The following MFSD12 variants were observed in gnomAD, a reference collection of about 807,000 sequenced individuals.
MFSD12 encodes major facilitator superfamily domain containing 12, also known as major facilitator superfamily domain-containing protein 12.
In MFSD12, 67 loss-of-function variants were observed where a neutral mutation model predicts 51.2. The ratio of observed to expected loss-of-function variants is 1.31; its 90% CI spans 1.08 to 1.60. MFSD12 has a LOEUF of 1.60. Among genes scored for constraint, MFSD12 ranks in the 40% most tolerant of loss-of-function variants. The pLI, the probability that MFSD12 is intolerant of heterozygous loss-of-function variation, is 0.00. For synonymous variants in MFSD12, 441 were observed against 316.7 expected (o/e 1.39, Z -4.17); for missense variants, 921 against 673.0 (o/e 1.37, Z -4.08).
At position 3,546,103 on chromosome 19, in the gene MFSD12, G is replaced by A. The variant is rs1264930605; in HGVS notation, c.1260C>T (p.Val420=). Residue 420 remains valine, a synonymous_variant, in exon 8 of 10, where the codon GTC becomes GTT. Coordinates refer to ENST00000355415, the MANE Select transcript of MFSD12 (RefSeq NM_174983.5). ...FLDKVANGLA[V]MAIQSLHPCP... ...AAGGGTGCAGGCTCTGGATGGCCAT[G>A]ACTGCCAGCCCATTGGCCACCTTAT... 4 of 1,613,422 alleles carry A rather than the reference G, an allele frequency of 2.5e-6. No individual in the cohort carries two copies. The highest frequency in any genetic ancestry group is 1.1e-5 in the South Asian group (1 of 91,082).
Position 3,554,648 on chromosome 19 carries a change from C to A in MFSD12, c.298+2458G>T, listed in dbSNP as rs548852155. Among the ~76,000 whole-genome samples, 255 of 152,300 alleles carry A rather than the reference C, an allele frequency of 1.7e-3. 4 individuals carry two copies. Among genetic ancestry groups the A allele is most frequent in the East Asian group, 2.3e-3 (12 of 5,190 alleles). ...GCCCCTCCACACACTGCTACCCATCCGTCAAAACCTCAAAGTTAATGTCCT... is the reference window on the plus strand; with the variant it reads ...GCCCCTCCACACACTGCTACCCATCAGTCAAAACCTCAAAGTTAATGTCCT... On this transcript the variant is annotated intron_variant, in intron 1 of 9. Coordinates refer to ENST00000355415, the MANE Select transcript of MFSD12 (RefSeq NM_174983.5).
chr19:3,539,278 G>A (rs1052255423), downstream of MFSD12: 11 of 1,517,246 alleles, frequency 7.2e-6, no homozygotes, highest in South Asian at 3.6e-5. Context: ...CCTCCCTACA[G>A]GTGAGCCCCT....
downstream of MFSD12, chr19:3,541,675 C>G: frequency 1.0e-6 from 1 of 985,234 alleles, no homozygotes; most frequent in Non-Finnish European, 1.2e-6. Flanking sequence ...TGGGCTCCCG[C>G]AAGTGTGTAA....
Position 3,544,936 on chromosome 19 carries a change from T to A in MFSD12, c.1293A>T (p.Ser431=). 10 of 1,607,314 alleles carry A rather than the reference T, an allele frequency of 6.2e-6. No homozygotes were observed. Among genetic ancestry groups the A allele is most frequent in the Non-Finnish European group, 8.5e-6 (10 of 1,178,102 alleles). Residue 431 remains serine, a synonymous_variant, in exon 9 of 10, where the codon TCA becomes TCT. Transcript: ENST00000355415. ...TCACGCAGGCCCTGCAGCAGAGCTC[T>A]GAGCTGTGGGAGGAGGCGGGGGATG... The part of the protein sequence containing the change: ...MAIQSLHPCP[S]ELCCRACVSF...
intron 2 of MFSD12, among the ~76,000 whole-genome samples, chr19:3,548,853 T>C (rs907760732): frequency 6.6e-6 from 1 of 152,202 alleles, no homozygotes; most frequent in African/African-American, 2.4e-5. Context: ...TCAGGGGCCC[T>C]GGGCATTGGG....
At chr19:3,543,049 T>C, downstream of MFSD12, 1 of 1,603,800 alleles carries the variant, frequency 6.2e-7, no homozygotes, top group Non-Finnish European at 8.5e-7. Flanking sequence ...GGAGTCAGCC[T>C]CTCTCCTCAA....
intron 4 of MFSD12, chr19:3,539,112 G>A: frequency 1.9e-6 from 2 of 1,071,046 alleles, no homozygotes; most frequent in Non-Finnish European, 2.8e-6. Context: ...GACACTGGGT[G>A]GCCTTTATGC....
intron 3 of MFSD12, 34 bp downstream of exon 3, chr19:3,548,089 G>A (rs549052696): frequency 2.1e-5 from 34 of 1,602,750 alleles, no homozygotes; most frequent in Non-Finnish European, 2.5e-5. Context: ...CCTGGCTCGA[G>A]GACTTCAGGC....
At chr19:3,543,489 C>CCA (rs750501521), downstream of MFSD12, 1 of 1,521,032 alleles carries the variant, frequency 6.6e-7, no homozygotes, top group African/African-American at 1.4e-5. Flanking sequence ...TGCCCCCCCC[C>CCA]CCGCCCTGGG....
intron 4 of MFSD12, 134 bp downstream of exon 4, chr19:3,547,714 G>A: frequency 2.5e-6 from 3 of 1,211,964 alleles, no homozygotes; most frequent in Non-Finnish European, 3.4e-6. Context: ...CACTTGATGA[G>A]TGACGTTTGC....
rs561958525 is a variant in MFSD12, at chr19:3,551,826, C to T, written c.299-632G>A. On this transcript the variant is annotated intron_variant, in intron 1 of 9. Transcript: ENST00000355415. The surrounding 1 kb of genome is among the most constrained non-coding windows in gnomAD (Gnocchi z 4.6). ...TGTCCCCTCCGTGCCCTGCCCTGCC[C>T]TTCCCTCTCTCCCCCTTCTCTCTCT... is the stretch of plus-strand genomic sequence containing the variant. Among the ~76,000 whole-genome samples, 1 of 152,186 alleles carries T rather than the reference C, an allele frequency of 6.6e-6. No homozygotes were observed. Among genetic ancestry groups the T allele is most frequent in the Non-Finnish European group, 1.5e-5 (1 of 68,032 alleles).
At chr19:3,543,694 C>G, downstream of MFSD12, 1 of 1,520,364 alleles carries the variant, frequency 6.6e-7, no homozygotes, top group Non-Finnish European at 8.8e-7. Flanking sequence ...AGGCTAGGTG[C>G]AGGGTGGGTC....
At chr19:3,543,075 T>TGAGG (rs2030564018), downstream of MFSD12, 1 of 1,585,634 alleles carries the variant, frequency 6.3e-7, no homozygotes, top group South Asian at 1.1e-5. Flanking sequence ...CACTCTGGGG[T>TGAGG]GAGGGGTACA....
Position 3,544,458 on chromosome 19 carries a change from C to T in MFSD12, c.*252G>A. ...CCTGTTCCCTGCCGAGAGGGGCACC[C>T]CAAATCCTCCAGAGGGCTGGGATGG... On this transcript the variant is annotated 3_prime_UTR_variant, in exon 10 of 10. Transcript: ENST00000355415. The T allele has an allele frequency of 7.4e-7, 1 of 1,349,784 alleles. No homozygotes were observed. The allele number at this position is 1,349,784 out of a possible 1,614,324, so 83.6% of individuals were successfully genotyped here.
Position 3,551,128 on chromosome 19 carries a change from G to A in MFSD12, c.365C>T (p.Thr122Met), listed in dbSNP as rs757291723. The A allele has an allele frequency of 9.9e-6, 16 of 1,612,866 alleles. No homozygotes were observed. The highest frequency in any genetic ancestry group is 2.2e-5 in the East Asian group (1 of 44,896). The stretch of plus-strand genomic sequence containing the variant: ...GTAGAGGAGGGCAGCCCACTCGGGC[G>A]TGGCCGCCCCACAGCCCAGGCAGGG... The part of the protein sequence containing the change: ...FSPCLGCGAA[T>M]PEWAALLYYG... Residue 122 changes from threonine to methionine, a missense_variant, in exon 2 of 10, where the codon ACG becomes ATG. Coordinates refer to ENST00000355415, the MANE Select transcript of MFSD12 (RefSeq NM_174983.5). This position sits in a 1 kb window ranked among gnomAD's most constrained non-coding sequence, Gnocchi z 4.6.
chr19:3,554,735 G>A (rs1182118660), intron 1 of MFSD12, among the ~76,000 whole-genome samples: 1 of 152,248 alleles, frequency 6.6e-6, no homozygotes, highest in Non-Finnish European at 1.5e-5. Context: ...CTGATTCTGA[G>A]GGTCGTCTCG....
rs2031244874 is a variant in MFSD12, at chr19:3,548,271, G to A, written c.510-4C>T. 2 of 1,546,526 alleles carry A rather than the reference G, an allele frequency of 1.3e-6. No homozygotes were observed. Among genetic ancestry groups the A allele is most frequent in the South Asian group, 2.4e-5 (2 of 84,066 alleles). Reference sequence around the variant, plus strand: ...GGCCACCACGGTGAACGCATACCTGGCGGGCAGGCGGGCAGGGACTCAACA... The same window carrying A: ...GGCCACCACGGTGAACGCATACCTGACGGGCAGGCGGGCAGGGACTCAACA... On this transcript the variant is annotated splice_region_variant and splice_polypyrimidine_tract_variant and intron_variant, in intron 2 of 9. Transcript: ENST00000355415.
chr19:3,555,311 T>A (rs1434160133), intron 1 of MFSD12, among the ~76,000 whole-genome samples: 2 of 152,200 alleles, frequency 1.3e-5, no homozygotes, highest in Admixed American at 6.5e-5. Context: ...TTTTGCCATG[T>A]TGGCCAGGTT....
rs376880765 is a variant in MFSD12, at chr19:3,547,261, C to T, written c.1023+11G>A. 2.7e-5 allele frequency: 43 copies of T among 1,610,948 alleles called. No homozygotes were observed. The highest frequency in any genetic ancestry group is 1.6e-4 in the Middle Eastern group (1 of 6,062). ...CTCCGCCCCAGCTGTCCCCGGTCCC[C>T]GCCCACTCACGTTCCTCCCAATGCA... On this transcript the variant is annotated intron_variant, in intron 6 of 9. Transcript: ENST00000355415.
Sources: gnomAD v4.1 joint callset for allele counts (sites outside exome capture counted in the v4.1 genomes callset) on GRCh38, gnomAD v4.1.1 for gene constraint, Gnocchi (gnomAD v3.1) non-coding constraint, MANE v1.5 for transcripts, NCBI Gene and HGNC (gene_info 2026-07-23, HGNC 2026-07-21) for gene names.